The following CENPH variants were observed in gnomAD, a reference collection of about 807,000 sequenced individuals.
The protein encoded by CENPH is centromere protein H.
Under a neutral mutation model 42.9 loss-of-function variants are expected in CENPH, and 40 were observed. The ratio of observed to expected loss-of-function variants is 0.93; its 90% confidence interval spans 0.72 to 1.21. The LOEUF (loss-of-function observed/expected upper bound fraction) is 1.21, where lower values mean the gene tolerates loss of function less well. Among genes scored for constraint, CENPH ranks in the 50% most tolerant of loss-of-function variants. The pLI, the probability that CENPH is intolerant of heterozygous loss-of-function variation, is 0.00. For missense variants in CENPH, 302 were observed against 292.9 expected (o/e 1.03, Z -0.23); for synonymous variants, 88 against 96.5 (o/e 0.91, Z 0.52).
At chr5:69,203,991 TATAG>T (rs1748100133) in intron 7 of CENPH, among the ~76,000 whole-genome samples, 1 of 121,854 alleles carries the variant, frequency 8.2e-6, no homozygotes, top group African/African-American at 2.9e-5. Context: ...TATATATATA[TATAG>T]AGAGAGAATT....
intron 4 of CENPH, among the ~76,000 whole-genome samples, chr5:69,196,229 TCA>T (rs1747962083): frequency 6.6e-6 from 1 of 152,038 alleles, no homozygotes; most frequent in East Asian, 1.9e-4. Context: ...CCCAGCCTGG[TCA>T]CACAGATTTT....
At chr5:69,194,877 G>T (rs115160954) in intron 3 of CENPH, among the ~76,000 whole-genome samples, 182 bp downstream of exon 3, 3,798 of 151,466 alleles carry the variant, frequency 0.025, 165 homozygotes, top group African/African-American at 0.085. Flanking sequence ...CTCCTGAGTA[G>T]CTGGAACTAC....
At chr5:69,193,845 T>C (rs1747920297) in intron 2 of CENPH, among the ~76,000 whole-genome samples, 1 of 151,984 alleles carries the variant, frequency 6.6e-6, no homozygotes, top group Admixed American at 6.6e-5. Flanking sequence ...AGAGACGGGT[T>C]TCACCATGTT....
At chr5:69,202,346 CTT>C (rs1179625596) in intron 5 of CENPH, among the ~76,000 whole-genome samples, 158 bp from the exon 6 acceptor site, 1 of 152,116 alleles carries the variant, frequency 6.6e-6, no homozygotes, top group Non-Finnish European at 1.5e-5. Flanking sequence ...TTACATCAAA[CTT>C]TTCCAGATTT....
intron 2 of CENPH, among the ~76,000 whole-genome samples, 188 bp downstream of exon 2, chr5:69,192,038 A>G (rs7709090): frequency 0.15 from 22,881 of 152,102 alleles, 1,856 homozygotes; most frequent in African/African-American, 0.2. Flanking sequence ...GGCACATGCT[A>G]CTGCGCCCGT....
intron 2 of CENPH, among the ~76,000 whole-genome samples, chr5:69,194,419 A>G (rs1204857337): frequency 1.3e-5 from 2 of 152,234 alleles, no homozygotes; most frequent in Non-Finnish European, 2.9e-5. Context: ...TACAGACAGA[A>G]TAATGTGAAA....
intron 7 of CENPH, among the ~76,000 whole-genome samples, chr5:69,206,303 T>G (rs1748158171): frequency 6.7e-6 from 1 of 148,536 alleles, no homozygotes; most frequent in Non-Finnish European, 1.5e-5. Flanking sequence ...TGCCTCAGCC[T>G]CCCGAGTAGC....
Position 69,202,559 on chromosome 5 carries a change from A to G in CENPH, c.425A>G (p.Lys142Arg). The G allele has an allele frequency of 6.4e-7, 1 of 1,556,126 alleles. No individual in the cohort carries two copies. Among genetic ancestry groups the G allele is most frequent in the Non-Finnish European group, 8.8e-7 (1 of 1,132,892 alleles). The change falls in exon 6 of 9, where the codon AAA becomes AGA. Residue 142 changes from lysine (K) to arginine (R), a missense_variant. Transcript: ENST00000283006. Reference protein sequence around the residue: ...HLLELNKLIMKSQQESWDLEE... With the variant: ...HLLELNKLIMRSQQESWDLEE... Reference sequence around the variant, plus strand: ...TTAGAGCTAAATAAATTAATAATGAAATCACAGCAGGTAAACTTACACATT... The same window carrying G: ...TTAGAGCTAAATAAATTAATAATGAGATCACAGCAGGTAAACTTACACATT...
chr5:69,203,367 A>G (rs562005985), intron 7 of CENPH, among the ~76,000 whole-genome samples: 1 of 139,916 alleles, frequency 7.1e-6, no homozygotes, highest in Admixed American at 7.3e-5. Flanking sequence ...AAATTTTTTA[A>G]TATGGTATTT....
intron 5 of CENPH, among the ~76,000 whole-genome samples, chr5:69,200,439 C>A (rs1748039162): frequency 6.6e-6 from 1 of 152,180 alleles, no homozygotes; most frequent in South Asian, 2.1e-4. Flanking sequence ...CAGTAGAGCA[C>A]TTAACAGCTT....
rs1554059010 is a variant in CENPH, at chr5:69,209,909, CGTT to C, written c.*111_*113del. ...TAATTTTAGAAAAGCATATCCATAA[CGTT>C]TACAGTTGTAGTACAGTTGTGGTTA... On this transcript the variant is annotated 3_prime_UTR_variant, in exon 9 of 9. Transcript: ENST00000283006. The C allele has an allele frequency of 2.0e-5, 13 of 638,950 alleles. No homozygotes were observed. The allele number at this position is 638,950 out of a possible 1,614,324, so 39.6% of individuals were successfully genotyped here.
At chr5:69,203,026 T>G (rs1245614262) in intron 7 of CENPH, 56 bp downstream of exon 7, 1 of 1,173,538 alleles carries the variant, frequency 8.5e-7, no homozygotes, top group Non-Finnish European at 1.2e-6. Context: ...TATAGATTGA[T>G]AAGGCCAGAT....
chr5:69,205,522 C>T (rs372541146), intron 7 of CENPH, among the ~76,000 whole-genome samples: 10 of 151,968 alleles, frequency 6.6e-5, no homozygotes, highest in African/African-American at 2.2e-4. Context: ...CCACTGTGAC[C>T]GGCCTTTTTG....
At chr5:69,204,835 A>G (rs1748123599) in intron 7 of CENPH, among the ~76,000 whole-genome samples, 2 of 149,114 alleles carry the variant, frequency 1.3e-5, no homozygotes, top group Admixed American at 1.3e-4. Context: ...TGAACTCCTG[A>G]TCTCGTGATT....
At chr5:69,202,832 G>A (rs1454650486) in intron 6 of CENPH, 87 bp from the exon 7 acceptor site, 2 of 818,854 alleles carry the variant, frequency 2.4e-6, no homozygotes, top group African/African-American at 1.8e-5. Context: ...GATAACTAAG[G>A]CTAGTAGATA....
In CENPH at chr5:69,208,365, A is replaced by G. The variant is rs745430240; in HGVS notation, c.651+6A>G. 6.4e-7 allele frequency: 1 copy of G among 1,560,078 alleles called. No homozygotes were observed. Among genetic ancestry groups the G allele is most frequent in the Non-Finnish European group, 8.8e-7 (1 of 1,138,592 alleles). On this transcript the variant is annotated splice_donor_region_variant and intron_variant, in intron 8 of 8. Coordinates refer to ENST00000283006, the MANE Select transcript of CENPH (RefSeq NM_022909.4). ...TTATTCAACATGTGTTCCAGGTAAC[A>G]TTTATATAAACTAGCAAGAGTTTTA... is the stretch of plus-strand genomic sequence containing the variant.
At chr5:69,195,672 T>C (rs1454848793) in intron 3 of CENPH, 45 bp from the exon 4 acceptor site, 1 of 1,106,124 alleles carries the variant, frequency 9.0e-7, no homozygotes, top group East Asian at 2.4e-5. Context: ...AATAATGTCT[T>C]TTTCTGATAT....
chr5:69,191,466 T>C (rs938604896), intron 1 of CENPH, among the ~76,000 whole-genome samples: 2 of 152,152 alleles, frequency 1.3e-5, no homozygotes, highest in Non-Finnish European at 2.9e-5. Context: ...GAGCCGAGAT[T>C]GCGCCACTGC....
At chr5:69,199,638 T>C (rs528101395) in intron 5 of CENPH, among the ~76,000 whole-genome samples, 11 of 152,278 alleles carry the variant, frequency 7.2e-5, no homozygotes, top group African/African-American at 2.6e-4. Context: ...ATCTTATAAG[T>C]TTCAGTTCCT....
Sources: gnomAD v4.1 joint callset for allele counts (sites outside exome capture counted in the v4.1 genomes callset) on GRCh38, gnomAD v4.1.1 for gene constraint, MANE v1.5 for transcripts, NCBI Gene and HGNC (gene_info 2026-07-23, HGNC 2026-07-21) for gene names.